The following ACTR3C variants were observed in gnomAD, a reference collection of about 807,000 sequenced individuals.
The protein encoded by ACTR3C is actin-related protein 3C.
Under a neutral mutation model 26.3 loss-of-function variants are expected in ACTR3C, and 18 were observed. The observed-to-expected ratio is 0.68, with a 90% CI of 0.47 to 1.01. The LOEUF (loss-of-function observed/expected upper bound fraction) is 1.01. Among genes scored for constraint, ACTR3C ranks in the 50% least tolerant of loss-of-function variants. The pLI is 0.00. For synonymous variants in ACTR3C, 55 were observed against 94.5 expected (o/e 0.58, Z 2.42); for missense variants, 184 against 250.7 (o/e 0.73, Z 1.80).
At position 150,274,956 on chromosome 7, in the gene ACTR3C, C is replaced by T. The variant is rs908729491; in HGVS notation, c.564+9797G>A. On this transcript the variant is annotated intron_variant, in intron 6 of 7. Coordinates refer to ENST00000683684, the MANE Select transcript of ACTR3C (RefSeq NM_001164458.2). This position sits in a 1 kb window ranked among gnomAD's most constrained non-coding sequence, Gnocchi z 4.1. ...TTCCGGACACCAGCCCACAGTCATT[C>T]CCTCCCACAGCCCACTCAGAACTGC... Among the ~76,000 whole-genome samples, 12 of 152,218 alleles carry T rather than the reference C, an allele frequency of 7.9e-5. No homozygotes were observed. Among genetic ancestry groups the T allele is most frequent in the African/African-American group, 2.7e-4 (11 of 41,454 alleles).
At chr7:149,924,783 G>A in the ACTR3C span, among the ~76,000 whole-genome samples, 139,781 of 147,888 alleles carry the variant, frequency 0.95, 66,433 homozygotes, top group South Asian at 1. Context: ...GTGCCACCAC[G>A]CCCAGCTAAT....
At chr7:149,971,258 G>A in the ACTR3C span, among the ~76,000 whole-genome samples, 3 of 152,194 alleles carry the variant, frequency 2.0e-5, no homozygotes, top group African/African-American at 7.2e-5. Flanking sequence ...CACCGAATGT[G>A]CACCAGCAGA....
the ACTR3C span, among the ~76,000 whole-genome samples, chr7:149,981,335 G>C: frequency 6.6e-6 from 1 of 151,942 alleles, no homozygotes; most frequent in Non-Finnish European, 1.5e-5. Flanking sequence ...ATCTGCACTG[G>C]GCTTTTTGCA....
the ACTR3C span, among the ~76,000 whole-genome samples, chr7:149,902,728 T>C: frequency 2.4e-5 from 2 of 84,758 alleles, 1 homozygote; most frequent in African/African-American, 6.1e-5. Context: ...GAGGATTGCA[T>C]GAGCCCACAA....
intron 6 of ACTR3C, chr7:150,264,596 A>C (rs186590372): frequency 1.0e-6 from 1 of 976,080 alleles, no homozygotes; most frequent in Admixed American, 6.2e-5. Context: ...TACTGTATAT[A>C]AATGTATATT....
the ACTR3C span, among the ~76,000 whole-genome samples, chr7:149,998,962 G>A: frequency 8.4e-3 from 1,268 of 150,480 alleles, 54 homozygotes; most frequent in South Asian, 0.015. Flanking sequence ...AAGGGCCTAC[G>A]TGGCTAGCAC....
At chr7:149,983,526 G>T in the ACTR3C span, among the ~76,000 whole-genome samples, 5 of 148,120 alleles carry the variant, frequency 3.4e-5, no homozygotes, top group African/African-American at 1.2e-4. Context: ...TTATTGGGGG[G>T]GAATGCAAAA....
rs115396075 is a variant in ACTR3C at position 150,285,582 on chromosome 7, A to T, written c.472-737T>A. ...TCAATACTATTAAAAGTGAGCATTCACTAGATTATCATTGTTATTATTTTA... is the reference window on the plus strand; with the variant it reads ...TCAATACTATTAAAAGTGAGCATTCTCTAGATTATCATTGTTATTATTTTA... On this transcript the variant is annotated intron_variant, in intron 5 of 7. Coordinates refer to ENST00000683684, the MANE Select transcript of ACTR3C (RefSeq NM_001164458.2). Among the ~76,000 whole-genome samples, 442 of 152,356 alleles carry T rather than the reference A, an allele frequency of 2.9e-3. 3 individuals are homozygous for T. The highest frequency in any genetic ancestry group is 0.01 in the African/African-American group (416 of 41,576).
intron 6 of ACTR3C, among the ~76,000 whole-genome samples, chr7:150,272,762 C>T (rs1834551853): frequency 7.6e-6 from 1 of 131,044 alleles, no homozygotes; most frequent in Non-Finnish European, 1.5e-5. Flanking sequence ...GCAATCCTAA[C>T]TCCCTGTAGC....
At chr7:150,035,476 G>C in the ACTR3C span, among the ~76,000 whole-genome samples, 396 of 16,652 alleles carry the variant, frequency 0.024, 19 homozygotes, top group Middle Eastern at 0.05. Flanking sequence ...GATGGGGGTA[G>C]TAACAGCCAG....
At chr7:149,888,418 A>G in the ACTR3C span, among the ~76,000 whole-genome samples, 1 of 152,264 alleles carries the variant, frequency 6.6e-6, no homozygotes, top group African/African-American at 2.4e-5. Context: ...CATGAGCCAC[A>G]GCACCTGGAT....
rs1395440382 is a variant in ACTR3C, at chr7:150,293,972, G to GT, written c.46-554dup. Among the ~76,000 whole-genome samples the GT allele has an allele frequency of 5.9e-5, 9 of 152,076 alleles. No individual in the cohort carries two copies. In the East Asian group the frequency reaches 1.7e-3, roughly 29 times the overall value. ...AAAGAAAGAAAGAAAAAAAACTAAG[G>GT]TTTTACAAAGAAAAGCCAGTGAAAA... On this transcript the variant is annotated intron_variant, in intron 2 of 7. Transcript: ENST00000683684.
chr7:150,048,935 G>C, the ACTR3C span, among the ~76,000 whole-genome samples: 1 of 152,136 alleles, frequency 6.6e-6, no homozygotes, highest in Non-Finnish European at 1.5e-5. Flanking sequence ...CGCGGGCGCT[G>C]CGCCCCGCAG....
intron 4 of ACTR3C, among the ~76,000 whole-genome samples, chr7:150,287,989 C>T (rs911695596): frequency 2.0e-5 from 3 of 146,494 alleles, no homozygotes; most frequent in Non-Finnish European, 3.0e-5. Flanking sequence ...GGTGTGCTCA[C>T]GTTACACACT....
At chr7:149,984,307 A>C in the ACTR3C span, among the ~76,000 whole-genome samples, 1 of 151,968 alleles carries the variant, frequency 6.6e-6, no homozygotes, top group Non-Finnish European at 1.5e-5. Flanking sequence ...GGATTCAAGC[A>C]AGTCTCCTGC....
the ACTR3C span, among the ~76,000 whole-genome samples, chr7:150,038,089 C>T: frequency 7.1e-6 from 1 of 141,496 alleles, no homozygotes; most frequent in African/African-American, 2.7e-5. Context: ...GGGGTGCCTC[C>T]CCCCCTGTGA....
intron 6 of ACTR3C, among the ~76,000 whole-genome samples, chr7:150,275,597 G>A (rs921455282): frequency 6.6e-6 from 1 of 152,112 alleles, no homozygotes; most frequent in African/African-American, 2.4e-5. Flanking sequence ...TGTAATCCCA[G>A]CTACTTCGGA....
At chr7:150,254,915 C>G (rs1369527541) in intron 6 of ACTR3C, among the ~76,000 whole-genome samples, 1 of 152,074 alleles carries the variant, frequency 6.6e-6, no homozygotes, top group East Asian at 1.9e-4. Context: ...CTGTCTTCCT[C>G]GAATATGGCA....
the ACTR3C span, among the ~76,000 whole-genome samples, chr7:150,173,350 T>G: frequency 2.0e-5 from 3 of 146,478 alleles, no homozygotes; most frequent in Non-Finnish European, 4.4e-5. Context: ...GCTTGGGGCT[T>G]ACACCTTCTG....
Sources: allele counts gnomAD v4.1 joint callset (sites outside exome capture counted in the v4.1 genomes callset), GRCh38; gene constraint gnomAD v4.1.1; non-coding constraint Gnocchi (gnomAD v3.1); transcripts MANE v1.5; gene names NCBI Gene and HGNC (gene_info 2026-07-23, HGNC 2026-07-21).